The following LAMA3 variants were observed in gnomAD, a reference collection of about 807,000 sequenced individuals.
LAMA3 encodes the protein laminin subunit alpha 3.
Under a neutral mutation model 402.0 loss-of-function variants are expected in LAMA3, and 281 were observed. The ratio of observed to expected loss-of-function variants is 0.70; its 90% CI spans 0.63 to 0.77. The LOEUF is 0.77. Ranked by LOEUF, LAMA3 falls within the 30% of genes least tolerant of loss-of-function variation. The probability of loss-of-function intolerance (pLI) is 0.00; values close to 1 mark genes in which losing one functional copy is unlikely to be tolerated. For synonymous variants in LAMA3, 1,431 were observed against 1,558.4 expected (o/e 0.92, Z 1.93); for missense variants, 3,840 against 4,215.5 (o/e 0.91, Z 2.47).
chr18:23,755,862 A>G (rs1324924717), intron 6 of LAMA3, among the ~76,000 whole-genome samples: 1 of 152,254 alleles, frequency 6.6e-6, no homozygotes, highest in Non-Finnish European at 1.5e-5. Context: ...ATCTTTAAAT[A>G]ACATATTTAC....
intron 54 of LAMA3, 68 bp downstream of exon 54, chr18:23,908,003 C>G (rs2081306932): frequency 6.8e-7 from 1 of 1,468,860 alleles, no homozygotes; most frequent in Non-Finnish European, 9.5e-7. Context: ...TGGTCCATTT[C>G]CATTCTTCCC....
At position 23,689,852 on chromosome 18, in the gene LAMA3, G is replaced by A; in HGVS notation, c.169G>A (p.Ala57Thr). ...LHPTYFNLAE[A>T]ARIWATATCG... Reference sequence around the variant, plus strand: ...CCCGACTTACTTCAACCTGGCCGAGGCGGCGAGGATTTGGGCCACCGCCAC... The same window carrying A: ...CCCGACTTACTTCAACCTGGCCGAGACGGCGAGGATTTGGGCCACCGCCAC... Residue 57 changes from alanine to threonine, a missense_variant, in exon 1 of 75, where the codon GCG (alanine) becomes ACG (threonine). Transcript: ENST00000313654. 5 of 1,552,948 alleles carry A rather than the reference G, an allele frequency of 3.2e-6. No individual in the cohort carries two copies. Among genetic ancestry groups the A allele is most frequent in the South Asian group, 1.2e-5 (1 of 84,064 alleles).
intron 8 of LAMA3, among the ~76,000 whole-genome samples, chr18:23,770,781 C>CA (rs964000040): frequency 4.0e-5 from 6 of 151,350 alleles, no homozygotes; most frequent in Non-Finnish European, 7.4e-5. Context: ...CAAAACAAAA[C>CA]AAAAAAAAGA....
intron 55 of LAMA3, among the ~76,000 whole-genome samples, chr18:23,909,860 C>T (rs2081374339): frequency 6.6e-6 from 1 of 152,190 alleles, no homozygotes; most frequent in Non-Finnish European, 1.5e-5. Context: ...TCCAATAACT[C>T]CTAGACAGCC....
intron 2 of LAMA3, among the ~76,000 whole-genome samples, chr18:23,718,112 A>C (rs1343892333): frequency 6.6e-6 from 1 of 152,138 alleles, no homozygotes; most frequent in Non-Finnish European, 1.5e-5. Context: ...TTTTAAAAGG[A>C]GAATCTTTGG....
intron 41 of LAMA3, among the ~76,000 whole-genome samples, chr18:23,889,707 AGG>A (rs1568303708): frequency 1.2e-4 from 4 of 34,560 alleles, no homozygotes; most frequent in Admixed American, 1.1e-3. Flanking sequence ...GGAGGGAGGA[AGG>A]GAGGAAGGAA....
chr18:23,708,284 C>G (rs570715890), intron 1 of LAMA3, among the ~76,000 whole-genome samples: 3 of 152,214 alleles, frequency 2.0e-5, no homozygotes, highest in South Asian at 4.2e-4. Flanking sequence ...CATAATAAGC[C>G]CCGATTCCTT....
intron 2 of LAMA3, among the ~76,000 whole-genome samples, chr18:23,736,544 A>G (rs567311656): frequency 1.4e-4 from 22 of 152,052 alleles, no homozygotes; most frequent in South Asian, 6.3e-4. Flanking sequence ...CTTAAATTGC[A>G]TTTTTTCCAA....
intron 18 of LAMA3, among the ~76,000 whole-genome samples, chr18:23,817,014 C>T (rs539136922): frequency 6.6e-6 from 1 of 152,304 alleles, no homozygotes; most frequent in Non-Finnish European, 1.5e-5. Context: ...GGTTCAGTTC[C>T]TGTTTCCCTC....
chr18:23,767,727 T>C (rs11082749), intron 8 of LAMA3, among the ~76,000 whole-genome samples: 119,831 of 151,690 alleles, frequency 0.79, 47,993 homozygotes, highest in African/African-American at 0.93. Context: ...GTGTGTGCCA[T>C]CATGCCTGGC....
chr18:23,747,811 A>G, intron 2 of LAMA3, 132 bp from the exon 3 acceptor site: 1 of 710,526 alleles, frequency 1.4e-6, no homozygotes, highest in South Asian at 1.5e-5. Flanking sequence ...AATAGACAGG[A>G]ATCAGGATCG....
rs901239991 is a variant in LAMA3, at chr18:23,889,127, G to GT, written c.5304-884_5304-883insT. Among the ~76,000 whole-genome samples, 722 of 152,244 alleles carry GT rather than the reference G, an allele frequency of 4.7e-3. 4 individuals carry two copies. The highest frequency in any genetic ancestry group is 6.5e-3 in the Non-Finnish European group (440 of 68,014). On this transcript the variant is annotated intron_variant, in intron 41 of 74. Coordinates refer to ENST00000313654, the MANE Select transcript of LAMA3 (RefSeq NM_198129.4). ...AGCAATTAGTGCAAATATGAATTAT[G>GT]CAGACTTGACATAGTGCAGGCCAGG...
Position 23,915,288 on chromosome 18 carries a change from G to A in LAMA3, c.7645-1G>A. ...TGGAAGATGTTTTATTTCATTTTCA[G>A]CTTCCCAGTCGACTAAGTTTCCCTC... On this transcript the variant is annotated splice_acceptor_variant, in intron 58 of 74. Transcript: ENST00000313654. LOFTEE classifies it high-confidence loss of function. 6.2e-7 allele frequency: 1 copy of A among 1,613,266 alleles called. No homozygotes were observed. The highest frequency in any genetic ancestry group is 1.3e-5 in the African/African-American group (1 of 75,004).
At chr18:23,812,056 G>A (rs2063082508) in intron 13 of LAMA3, among the ~76,000 whole-genome samples, 1 of 151,858 alleles carries the variant, frequency 6.6e-6, no homozygotes, top group Admixed American at 6.6e-5. Flanking sequence ...TGTATTTTTA[G>A]TAGAGATGGG....
chr18:23,726,608 A>C (rs115208462), intron 2 of LAMA3, among the ~76,000 whole-genome samples: 2,279 of 151,968 alleles, frequency 0.015, 49 homozygotes, highest in African/African-American at 0.052. Context: ...GCCCCTGTTT[A>C]TTTATTTTTA....
rs560613193 is a variant in LAMA3 at position 23,902,982 on chromosome 18, C to A, written c.6202-27C>A. The A allele has an allele frequency of 1.1e-5, 15 of 1,368,962 alleles. No individual in the cohort carries two copies. In the East Asian group the frequency reaches 3.4e-4, roughly 31 times the overall value. 84.8% of individuals were successfully genotyped at this position (1,368,962 alleles called of 1,614,324 possible). A position where few individuals can be genotyped will look rare whatever the true frequency, so the allele number is the denominator to read the frequency against. ...CCTTCTGATAATATATCATAGAGCT[C>A]AAGCAATTTTTTTTTATTTTCTCCA... On this transcript the variant is annotated intron_variant, in intron 48 of 74. Coordinates refer to ENST00000313654, the MANE Select transcript of LAMA3 (RefSeq NM_198129.4).
chr18:23,863,002 G>GGA (rs754611681), intron 35 of LAMA3, among the ~76,000 whole-genome samples: 204 of 148,718 alleles, frequency 1.4e-3, no homozygotes, highest in African/African-American at 1.6e-3. Flanking sequence ...ACAGGGTGGG[G>GGA]GAGAGAGAGA....
At position 23,914,447 on chromosome 18, in the gene LAMA3, G is replaced by A. The variant is rs2081540160; in HGVS notation, c.7367G>A (p.Gly2456Asp). ...TACATCGGCATGGCAGTTGTGGATG[G>A]CCAGCTCACCTGTGTCTACAACCTG... ...RDYIGMAVVD[G>D]QLTCVYNLGD... Residue 2456 changes from glycine to aspartate, a missense_variant, in exon 57 of 75, where the codon GGC becomes GAC. Around this residue, in one of 3 missense-constraint regions of LAMA3, gnomAD observed 891 missense variants for 857.5 expected, o/e 1.04. Coordinates refer to ENST00000313654, the MANE Select transcript of LAMA3 (RefSeq NM_198129.4). 8 of 1,614,104 alleles carry A rather than the reference G, an allele frequency of 5.0e-6. No individual in the cohort carries two copies. The highest frequency in any genetic ancestry group is 6.8e-6 in the Non-Finnish European group (8 of 1,180,010).
chr18:23,951,198 T>C (rs1232220146), intron 72 of LAMA3, among the ~76,000 whole-genome samples: 4 of 152,240 alleles, frequency 2.6e-5, no homozygotes, highest in Non-Finnish European at 5.9e-5. Context: ...TGGCTCCCGA[T>C]GCGTGCCCAG....
Sources: gnomAD v4.1 joint callset for allele counts (sites outside exome capture counted in the v4.1 genomes callset) on GRCh38, gnomAD v4.1.1 for gene constraint, gnomAD v4.1.1 regional missense constraint, MANE v1.5 for transcripts, NCBI Gene and HGNC (gene_info 2026-07-23, HGNC 2026-07-21) for gene names.